COL18A1: variants seen among roughly 807,000 people sequenced by gnomAD.
COL18A1 encodes collagen type XVIII alpha 1 chain, also known as collagen alpha-1(XVIII) chain.
In COL18A1, 133 loss-of-function variants were observed where a neutral mutation model predicts 168.0. The ratio of observed to expected loss-of-function variants is 0.79; its 90% CI spans 0.69 to 0.91. The LOEUF (loss-of-function observed/expected upper bound fraction) is 0.91, where lower values mean the gene tolerates loss of function less well. COL18A1 is among the 40% of genes least tolerant of loss of function. The probability of loss-of-function intolerance (pLI) is 0.00; values close to 1 mark genes in which losing one functional copy is unlikely to be tolerated. For synonymous variants in COL18A1, 949 were observed against 809.0 expected (o/e 1.17, Z -2.94); for missense variants, 2,126 against 1,925.4 (o/e 1.10, Z -1.95).
chr21:45,488,622 C>G (rs1321171296), intron 18 of COL18A1, among the ~76,000 whole-genome samples, 178 bp downstream of exon 18: 1 of 152,172 alleles, frequency 6.6e-6, no homozygotes, highest in Non-Finnish European at 1.5e-5. Flanking sequence ...AATCGCACAC[C>G]AACCCCAACC....
At chr21:45,484,644 C>T (rs986188660) in intron 15 of COL18A1, among the ~76,000 whole-genome samples, 14 of 151,352 alleles carry the variant, frequency 9.2e-5, no homozygotes, top group Middle Eastern at 3.4e-3. Flanking sequence ...CATGTGCACA[C>T]GCATCTCTTA....
rs2034759529 is a variant in COL18A1, at chr21:45,455,415, C to T, written c.107-12827C>T. ...TGCAAGAGTGGGGGGTGGAAGACAG[C>T]CGGCCAGAGGCTGGGAAGCCTGCAC... On this transcript the variant is annotated intron_variant, in intron 2 of 41. Transcript: ENST00000651438. 3.4e-6 allele frequency: 5 copies of T among 1,458,338 alleles called. No individual in the cohort carries two copies. In the South Asian group the frequency reaches 3.5e-5, roughly 10 times the overall value. The allele number at this position is 1,458,338 out of a possible 1,614,324, so 90.3% of individuals were successfully genotyped here. A position where few individuals can be genotyped will look rare whatever the true frequency, so the allele number is the denominator to read the frequency against.
chr21:45,455,480 T>C, intron 2 of COL18A1: 1 of 1,605,822 alleles, frequency 6.2e-7, no homozygotes, highest in Non-Finnish European at 8.5e-7. Flanking sequence ...TAGCCCCACC[T>C]CCAGGCACAG....
At chr21:45,411,601 C>T (rs2033290855) in intron 2 of COL18A1, among the ~76,000 whole-genome samples, 1 of 152,160 alleles carries the variant, frequency 6.6e-6, no homozygotes, top group African/African-American at 2.4e-5. Flanking sequence ...TCACAGGGAA[C>T]AGCGTGCCCT....
At chr21:45,487,907 A>G (rs939567813) in intron 17 of COL18A1, among the ~76,000 whole-genome samples, 2 of 152,198 alleles carry the variant, frequency 1.3e-5, no homozygotes, top group African/African-American at 4.8e-5. Context: ...ACTTTCTTCT[A>G]CTGTTAACAT....
At position 45,498,160 on chromosome 21, in the gene COL18A1, C is replaced by A; in HGVS notation, c.2683+499C>A. ...CCCACCTCCATTGAGGGTGGCAGGG[C>A]TGCTTGGATGTCCTGCCAAGACCAC... is the stretch of plus-strand genomic sequence containing the variant. On this transcript the variant is annotated intron_variant, in intron 32 of 41. Coordinates refer to ENST00000651438, the MANE Select transcript of COL18A1 (RefSeq NM_001379500.1). The surrounding 1 kb of genome is among the most constrained non-coding windows in gnomAD (Gnocchi z 4.5). 1.5e-6 allele frequency: 1 copy of A among 667,704 alleles called. No homozygotes were observed. The highest frequency in any genetic ancestry group is 2.2e-5 in the Admixed American group (1 of 46,408). 41.4% of individuals were successfully genotyped at this position (667,704 alleles called of 1,614,324 possible). A position where few individuals can be genotyped will look rare whatever the true frequency, so the allele number is the denominator to read the frequency against.
At position 45,507,707 on chromosome 21, in the gene COL18A1, G is replaced by A. The variant is rs115471482; in HGVS notation, c.3249+114G>A. 1,222 of 995,968 alleles carry A rather than the reference G, an allele frequency of 1.2e-3. 12 individuals are homozygous for A. The African/African-American group carries it at 0.017, about 14-fold the overall frequency. 61.7% of individuals were successfully genotyped at this position (995,968 alleles called of 1,614,324 possible). ...CCTTTGGAGTCCTGGAGCTGAACAT[G>A]TGGCTCACCATCAGCCCCTGCTGCA... On this transcript the variant is annotated intron_variant, in intron 38 of 41. Coordinates refer to ENST00000651438, the MANE Select transcript of COL18A1 (RefSeq NM_001379500.1).
chr21:45,444,302 G>A (rs2034458243), intron 2 of COL18A1, among the ~76,000 whole-genome samples: 2 of 152,120 alleles, frequency 1.3e-5, no homozygotes, highest in Admixed American at 6.5e-5. Context: ...GTGAATGAAG[G>A]GCCGTGTGCC....
intron 2 of COL18A1, among the ~76,000 whole-genome samples, chr21:45,452,650 T>C (rs1395642505): frequency 6.6e-6 from 1 of 151,776 alleles, no homozygotes; most frequent in Non-Finnish European, 1.5e-5. Context: ...GTGTGTGAGC[T>C]TGTGTATGCA....
chr21:45,412,233 A>ATTTTTTTTTTTT lies in COL18A1; in HGVS notation c.106+6763_106+6764insTTTTTTTTTTTT, dbSNP rs1285919162. Among the ~76,000 whole-genome samples the ATTTTTTTTTTTT allele has an allele frequency of 2.1e-5, 2 of 96,122 alleles. 1 individual carries two copies. The highest frequency in any genetic ancestry group is 4.1e-5 in the Non-Finnish European group (2 of 49,126). The allele number at this position is 96,122 out of a possible 152,430, so 63.1% of individuals were successfully genotyped here. On this transcript the variant is annotated intron_variant, in intron 2 of 41. Coordinates refer to ENST00000651438, the MANE Select transcript of COL18A1 (RefSeq NM_001379500.1). ...ATGATATTTCTTTAACTGGGGGTATATTTCTTTTTTTTTTTTTTTTCGAGA... is the reference window on the plus strand; with the variant it reads ...ATGATATTTCTTTAACTGGGGGTATATTTTTTTTTTTTTTTCTTTTTTTTTTTTTTTTCGAGA...
rs1444723928 is a variant in COL18A1, at chr21:45,455,592, C to T, written c.107-12650C>T. On this transcript the variant is annotated intron_variant, in intron 2 of 41. Coordinates refer to ENST00000651438, the MANE Select transcript of COL18A1 (RefSeq NM_001379500.1). ...CTGCTCTTCTGCTGCCTGGCGGCTG[C>T]CCGGGCCAACCTGCTGAACCTGAAC... 4 of 1,613,844 alleles carry T rather than the reference C, an allele frequency of 2.5e-6. No individual in the cohort carries two copies. The African/African-American group carries it at 5.3e-5, about 22-fold the overall frequency.
intron 37 of COL18A1, chr21:45,506,417 C>T (rs1602625244): frequency 3.1e-6 from 1 of 323,938 alleles, no homozygotes; most frequent in Non-Finnish European, 6.0e-6. Flanking sequence ...TGAAATGCAT[C>T]CTCTCTGCTT....
chr21:45,456,519 C>T (rs1266971336), intron 2 of COL18A1: 13 of 1,548,266 alleles, frequency 8.4e-6, no homozygotes, highest in Non-Finnish European at 1.1e-5. Context: ...CCCGAGGCCC[C>T]CGCCGGTCGC....
chr21:45,506,078 G>T (rs1291111757), intron 37 of COL18A1, 112 bp downstream of exon 37: 19 of 1,520,578 alleles, frequency 1.2e-5, no homozygotes, highest in African/African-American at 2.7e-5. Flanking sequence ...GCAGGTGGCA[G>T]CCAGCGCTTC....
chr21:45,493,403 G>T lies in COL18A1; in HGVS notation c.2278-98G>T, dbSNP rs116886828. 147 of 1,320,252 alleles carry T rather than the reference G, an allele frequency of 1.1e-4. No individual in the cohort carries two copies. The East Asian group carries it at 3.2e-3, about 29-fold the overall frequency. 81.8% of individuals were successfully genotyped at this position (1,320,252 alleles called of 1,614,324 possible). A position where few individuals can be genotyped will look rare whatever the true frequency, so the allele number is the denominator to read the frequency against. ...CACCTCCCGTGAAAGGACCCAGCCTGCGAGGCCCAGTCACAGCGGCCCTGC... is the reference window on the plus strand; with the variant it reads ...CACCTCCCGTGAAAGGACCCAGCCTTCGAGGCCCAGTCACAGCGGCCCTGC... On this transcript the variant is annotated intron_variant, in intron 25 of 41. Transcript: ENST00000651438.
intron 2 of COL18A1, among the ~76,000 whole-genome samples, chr21:45,439,287 C>T (rs1251017726): frequency 6.6e-6 from 1 of 152,236 alleles, no homozygotes; most frequent in Non-Finnish European, 1.5e-5. Context: ...TGGCCGTGGT[C>T]CAGGGGCGCG....
intron 22 of COL18A1, among the ~76,000 whole-genome samples, chr21:45,491,959 T>C (rs958741054): frequency 1.3e-5 from 2 of 152,006 alleles, no homozygotes; most frequent in African/African-American, 4.8e-5. Context: ...TGGCCACCAG[T>C]GGAAGGGGGG....
At chr21:45,478,403 A>G in intron 9 of COL18A1, 50 bp downstream of exon 9, 1 of 1,613,688 alleles carries the variant, frequency 6.2e-7, no homozygotes, top group Non-Finnish European at 8.5e-7. Flanking sequence ...ATGTTTGCTT[A>G]GACCCCAGGG....
At chr21:45,461,759 C>T (rs920240741) in intron 2 of COL18A1, among the ~76,000 whole-genome samples, 6 of 152,210 alleles carry the variant, frequency 3.9e-5, no homozygotes, top group Admixed American at 1.3e-4. Flanking sequence ...GCCTTATTTC[C>T]TTTAGTTTAA....
Sources: allele counts gnomAD v4.1 joint callset (sites outside exome capture counted in the v4.1 genomes callset), GRCh38; gene constraint gnomAD v4.1.1; non-coding constraint Gnocchi (gnomAD v3.1); transcripts MANE v1.5; gene names NCBI Gene and HGNC (gene_info 2026-07-23, HGNC 2026-07-21).